NRG1: variants seen among roughly 807,000 people sequenced by gnomAD.
NRG1 encodes pro-neuregulin-1, membrane-bound isoform.
Under a neutral mutation model 63.8 loss-of-function variants are expected in NRG1, and 18 were observed. The observed-to-expected ratio is 0.28, with a 90% CI of 0.19 to 0.42. The LOEUF (loss-of-function observed/expected upper bound fraction) is 0.42. NRG1 is among the 10% of genes least tolerant of loss of function. The probability of loss-of-function intolerance (pLI) is 1.00; values close to 1 mark genes in which losing one functional copy is unlikely to be tolerated. For synonymous variants in NRG1, 302 were observed against 301.3 expected, an observed-to-expected ratio of 1.00 and a Z score of -0.02; for missense variants, 762 against 814.7, an observed-to-expected ratio of 0.94 and a Z score of 0.79.
intron 1 of NRG1, chr8:32,063,597 C>T (rs1824242473): frequency 6.6e-6 from 1 of 152,014 alleles, no homozygotes; most frequent in African/African-American, 2.4e-5. Context: ...ACACAAATAA[C>T]ATCTAGTAAT....
intron 1 of NRG1, among the ~76,000 whole-genome samples, chr8:32,004,183 G>A (rs327336): frequency 0.85 from 128,671 of 151,840 alleles, 55,401 homozygotes; most frequent in African/African-American, 0.96. Flanking sequence ...GGAAGACCAT[G>A]GAGACAATAA....
chr8:32,691,979 G>C (rs1230708179), intron 5 of NRG1, among the ~76,000 whole-genome samples: 4 of 152,064 alleles, frequency 2.6e-5, no homozygotes, highest in African/African-American at 9.7e-5. Flanking sequence ...TACCTTTATT[G>C]AACATCCACC....
chr8:31,773,018 G>A (rs540288343), intron 1 of NRG1, among the ~76,000 whole-genome samples: 3 of 152,326 alleles, frequency 2.0e-5, no homozygotes, highest in Non-Finnish European at 4.4e-5. Flanking sequence ...GTCCATCTGT[G>A]AAGGTCCTGG....
chr8:32,009,597 C>G (rs143688323), intron 1 of NRG1, among the ~76,000 whole-genome samples: 68 of 151,952 alleles, frequency 4.5e-4, no homozygotes, highest in African/African-American at 1.5e-3. Flanking sequence ...TTAAAAAGTT[C>G]TAATGGTCTA....
chr8:32,678,122 TG>T (rs1266380202), intron 5 of NRG1, among the ~76,000 whole-genome samples: 2 of 152,212 alleles, frequency 1.3e-5, no homozygotes, highest in Non-Finnish European at 2.9e-5. Flanking sequence ...AACTCTTTCC[TG>T]GGATGATGGA....
intron 1 of NRG1, among the ~76,000 whole-genome samples, chr8:32,507,578 A>C (rs1828682752): frequency 6.6e-6 from 1 of 152,218 alleles, no homozygotes; most frequent in Non-Finnish European, 1.5e-5. Flanking sequence ...AACAACAACA[A>C]AAAAACTAAG....
intron 1 of NRG1, among the ~76,000 whole-genome samples, chr8:32,582,629 T>C (rs1051797964): frequency 7.2e-5 from 11 of 152,308 alleles, no homozygotes; most frequent in Non-Finnish European, 1.3e-4. Context: ...AGGTAATAGA[T>C]GGACTTGGCC....
chr8:31,947,306 CAAAA>C (rs61713691), intron 1 of NRG1, among the ~76,000 whole-genome samples: 7 of 132,670 alleles, frequency 5.3e-5, no homozygotes, highest in African/African-American at 1.6e-4. Context: ...GACTCCGTCT[CAAAA>C]AAAAAAAAAA....
At chr8:32,768,457 A>G (rs1363195213), downstream of NRG1, among the ~76,000 whole-genome samples, 4 of 152,190 alleles carry the variant, frequency 2.6e-5, no homozygotes, top group South Asian at 2.1e-4. Context: ...CCATCCGCTA[A>G]TGACTTTCCA....
chr8:32,360,279 C>A (rs987084407), intron 1 of NRG1, among the ~76,000 whole-genome samples: 1 of 152,106 alleles, frequency 6.6e-6, no homozygotes, highest in Non-Finnish European at 1.5e-5. Context: ...TTTGCCAATA[C>A]CTGTAAACAT....
intron 1 of NRG1, among the ~76,000 whole-genome samples, chr8:31,854,070 T>G (rs1411638839): frequency 6.6e-6 from 1 of 151,344 alleles, no homozygotes; most frequent in African/African-American, 2.4e-5. Context: ...GGTCTAAAAT[T>G]CTCTTTTTTT....
chr8:32,599,530 G>A (rs1160182925), intron 2 of NRG1, among the ~76,000 whole-genome samples: 1 of 152,042 alleles, frequency 6.6e-6, no homozygotes, highest in African/African-American at 2.4e-5. Context: ...ATTCCTACGT[G>A]TTCTTTGTAT....
intron 1 of NRG1, among the ~76,000 whole-genome samples, chr8:31,727,297 G>A (rs1408748342): frequency 1.3e-5 from 2 of 152,102 alleles, no homozygotes; most frequent in African/African-American, 4.8e-5. Context: ...AAAATGTTCT[G>A]TTCATTCTGC....
chr8:31,989,460 A>T (rs763473209), intron 1 of NRG1, among the ~76,000 whole-genome samples: 5 of 151,832 alleles, frequency 3.3e-5, no homozygotes, highest in Non-Finnish European at 7.4e-5. Flanking sequence ...GTCTTCATAC[A>T]GCATAAGGCA....
chr8:32,660,312 T>C (rs752696673), intron 5 of NRG1, among the ~76,000 whole-genome samples: 1 of 152,184 alleles, frequency 6.6e-6, no homozygotes, highest in Non-Finnish European at 1.5e-5. Context: ...TCAACCTATA[T>C]TTTATATGAA....
At position 32,313,846 on chromosome 8, in the gene NRG1, T is replaced by A. The variant is rs183121673; in HGVS notation, c.38-281982T>A. ...TCTTCCCTCTGAGCATATGTATCTC[T>A]AATGCATGTCTGCTTATGTAGGCAT... On this transcript the variant is annotated intron_variant, in intron 1 of 10. Transcript: ENST00000519301. 2.3e-3 allele frequency among the ~76,000 whole-genome samples: 352 copies of A among 152,340 alleles called. 1 individual carries two copies. Among genetic ancestry groups the A allele is most frequent in the Non-Finnish European group, 3.1e-3 (212 of 68,032 alleles).
Position 32,699,482 on chromosome 8 carries a change from G to A in NRG1, c.503-28467G>A, listed in dbSNP as rs149528438. 1.4e-3 allele frequency among the ~76,000 whole-genome samples: 211 copies of A among 152,306 alleles called. 1 individual carries two copies. The highest frequency in any genetic ancestry group is 4.8e-3 in the African/African-American group (200 of 41,574). ...TTTCCTAGAAAAGTCAATAGAGAAC[G>A]TTTAATGAAGTAGAATTATGTGACA... On this transcript the variant is annotated intron_variant, in intron 5 of 11. Coordinates refer to ENST00000356819, the Ensembl canonical transcript of NRG1.
intron 1 of NRG1, among the ~76,000 whole-genome samples, chr8:32,280,680 G>GTTT (rs1235833561): frequency 0.01 from 551 of 53,614 alleles, 39 homozygotes; most frequent in African/African-American, 0.023. Context: ...ACTGAATTAG[G>GTTT]TTTTTTTTTT....
intron 1 of NRG1, among the ~76,000 whole-genome samples, chr8:31,797,280 T>A (rs80212814): frequency 6.6e-5 from 10 of 152,222 alleles, no homozygotes; most frequent in African/African-American, 2.4e-4. Context: ...AGATACTTAC[T>A]CTACTTTTGG....
Sources: allele counts gnomAD v4.1 joint callset (sites outside exome capture counted in the v4.1 genomes callset), GRCh38; gene constraint gnomAD v4.1.1; transcripts MANE v1.5; gene names NCBI Gene and HGNC (gene_info 2026-07-23, HGNC 2026-07-21).